NINJ2: variants seen among roughly 807,000 people sequenced by gnomAD.
The protein encoded by NINJ2 is ninjurin 2.
In NINJ2, 12 loss-of-function variants were observed where a neutral mutation model predicts 11.7. The observed-to-expected ratio is 1.02, with a 90% CI of 0.66 to 1.66. NINJ2 has a LOEUF of 1.66. NINJ2 is among the 40% of genes most tolerant of loss of function. The probability of loss-of-function intolerance (pLI) is 0.00; values close to 1 mark genes in which losing one functional copy is unlikely to be tolerated. For synonymous variants in NINJ2, 93 were observed against 76.8 expected (o/e 1.21, Z -1.10); for missense variants, 187 against 181.8 (o/e 1.03, Z -0.16).
chr12:588,621 G>C (rs974325611), intron 1 of NINJ2, among the ~76,000 whole-genome samples: 2 of 152,146 alleles, frequency 1.3e-5, no homozygotes, highest in Admixed American at 1.3e-4. Flanking sequence ...TGCCTTCAGA[G>C]TGTGTGCTCC....
intron 1 of NINJ2, among the ~76,000 whole-genome samples, chr12:596,682 G>C (rs1042678972): frequency 1.1e-4 from 16 of 152,210 alleles, no homozygotes; most frequent in African/African-American, 3.4e-4. Flanking sequence ...CAGCACTTTG[G>C]GAGGTTGAAG....
At chr12:584,007 C>CT (rs897046327) in intron 1 of NINJ2, among the ~76,000 whole-genome samples, 1 of 151,968 alleles carries the variant, frequency 6.6e-6, no homozygotes, top group African/African-American at 2.4e-5. Context: ...ATATTATTTT[C>CT]TTTTTTTGCT....
rs1232958775 is a variant in NINJ2, at chr12:566,166, C to T, written c.46G>A (p.Asp16Asn). The T allele has an allele frequency of 5.6e-6, 9 of 1,613,270 alleles. No individual in the cohort carries two copies. Among genetic ancestry groups the T allele is most frequent in the African/African-American group, 2.7e-5 (2 of 74,850 alleles). ...AGGTTGATGGGCTGGCTCCTGGGGTCGGAGCTTCCAGGCTGTAGGGGAGAA... is the reference window on the plus strand; with the variant it reads ...AGGTTGATGGGCTGGCTCCTGGGGTTGGAGCTTCCAGGCTGTAGGGGAGAA... ...ENIDLQPGSS[D>N]PRSQPINLNH... The change falls in exon 2 of 4, where the codon GAC becomes AAC. Residue 16 changes from aspartate to asparagine, a missense_variant. Physicochemically the swap from Asp to Asn is conservative, Grantham distance 23. Transcript: ENST00000305108.
intron 1 of NINJ2, among the ~76,000 whole-genome samples, chr12:567,625 G>T (rs1565616899): frequency 6.6e-6 from 1 of 152,116 alleles, no homozygotes; most frequent in African/African-American, 2.4e-5. Context: ...GTACCTCAGG[G>T]ATTTACACAG....
intron 1 of NINJ2, among the ~76,000 whole-genome samples, chr12:594,022 G>C (rs1947750977): frequency 6.6e-6 from 1 of 152,124 alleles, no homozygotes; most frequent in South Asian, 2.1e-4. Context: ...TTTCCACGAA[G>C]ACAGGGAACA....
chr12:603,219 T>A (rs144027984), intron 1 of NINJ2, among the ~76,000 whole-genome samples: 2,439 of 152,320 alleles, frequency 0.016, 107 homozygotes, highest in East Asian at 0.071. Context: ...ATTTGTATAT[T>A]TTCTTTGGAA....
chr12:565,986 G>A lies in NINJ2; in HGVS notation c.226C>T (p.Leu76=), dbSNP rs201772956. The A allele has an allele frequency of 1.4e-4, 221 of 1,614,158 alleles. No homozygotes were observed. The highest frequency in any genetic ancestry group is 1.8e-4 in the Non-Finnish European group (212 of 1,180,060). Residue 76 remains leucine, a synonymous_variant, in exon 2 of 4, where the codon CTG becomes TTG. Transcript: ENST00000305108. ...LVTLISLSLL[L]QVVIGVLLVV... The stretch of plus-strand genomic sequence containing the variant: ...AGCAGGACACCGATGACCACCTGCA[G>A]GAGCAGAGAGAGGCTGATGAGGGTG...
rs377041942 is a variant in NINJ2 at position 619,159 on chromosome 12, T to C, written c.33+44169A>G. On this transcript the variant is annotated intron_variant, in intron 1 of 3. Coordinates refer to ENST00000305108, the MANE Select transcript of NINJ2 (RefSeq NM_016533.6). ...GGGGGGCAGTTTATTGTCAGGACCATTGGATGGAGTCCAGCAAGTATTTAT... is the reference window on the plus strand; with the variant it reads ...GGGGGGCAGTTTATTGTCAGGACCACTGGATGGAGTCCAGCAAGTATTTAT... 1.2e-4 allele frequency among the ~76,000 whole-genome samples: 19 copies of C among 152,138 alleles called. No homozygotes were observed. In the East Asian group the frequency reaches 2.1e-3, roughly 17 times the overall value.
At chr12:601,416 C>T (rs774236985) in intron 1 of NINJ2, among the ~76,000 whole-genome samples, 19 of 151,620 alleles carry the variant, frequency 1.3e-4, no homozygotes, top group East Asian at 3.9e-4. Flanking sequence ...GGCGTGGTGG[C>T]GGGCGCCTGT....
chr12:658,121 C>T (rs1229009797), intron 1 of NINJ2, among the ~76,000 whole-genome samples: 1 of 151,516 alleles, frequency 6.6e-6, no homozygotes, highest in African/African-American at 2.4e-5. Context: ...GCCTTAGCCT[C>T]CCGAGTAGCT....
At chr12:636,756 T>A (rs1948356946) in intron 1 of NINJ2, among the ~76,000 whole-genome samples, 1 of 152,160 alleles carries the variant, frequency 6.6e-6, no homozygotes, top group South Asian at 2.1e-4. Context: ...TTGGTAAGGA[T>A]ACAGAGAAAC....
chr12:624,745 G>A (rs1948191859), intron 1 of NINJ2, among the ~76,000 whole-genome samples: 1 of 149,410 alleles, frequency 6.7e-6, no homozygotes, highest in Non-Finnish European at 1.5e-5. Flanking sequence ...GGAGATGGAG[G>A]TTGCAGTGAG....
At chr12:612,853 C>T (rs1948049971) in intron 1 of NINJ2, among the ~76,000 whole-genome samples, 1 of 152,198 alleles carries the variant, frequency 6.6e-6, no homozygotes. Context: ...ACCGGGTCCT[C>T]TCCGTCACTG....
intron 1 of NINJ2, among the ~76,000 whole-genome samples, chr12:611,003 G>A (rs1948021254): frequency 6.6e-6 from 1 of 152,054 alleles, no homozygotes; most frequent in Admixed American, 6.5e-5. Flanking sequence ...CCAAAATGCT[G>A]GGATTACAGG....
At chr12:575,014 G>A (rs941576306) in intron 1 of NINJ2, among the ~76,000 whole-genome samples, 10 of 152,226 alleles carry the variant, frequency 6.6e-5, no homozygotes, top group African/African-American at 1.9e-4. Context: ...ATACTCCCAC[G>A]TGTGGGCCTA....
At chr12:566,899 C>T (rs1353482741) in intron 1 of NINJ2, among the ~76,000 whole-genome samples, 1 of 152,212 alleles carries the variant, frequency 6.6e-6, no homozygotes, top group East Asian at 1.9e-4. Context: ...CTCCAAAAGA[C>T]AGAATCACAA....
At chr12:595,545 C>T (rs897654979) in intron 1 of NINJ2, among the ~76,000 whole-genome samples, 3 of 152,110 alleles carry the variant, frequency 2.0e-5, no homozygotes, top group Non-Finnish European at 4.4e-5. Context: ...GAGGCCAAGG[C>T]GGGTGGATCA....
chr12:571,087 C>T (rs1441615363), intron 1 of NINJ2, among the ~76,000 whole-genome samples: 1 of 152,246 alleles, frequency 6.6e-6, no homozygotes, highest in African/African-American at 2.4e-5. Context: ...CCTCCCCTGC[C>T]ACTCAAGGGC....
At chr12:636,945 A>T (rs1948359580) in intron 1 of NINJ2, among the ~76,000 whole-genome samples, 1 of 152,356 alleles carries the variant, frequency 6.6e-6, no homozygotes, top group African/African-American at 2.4e-5. Context: ...CACCAATGTT[A>T]ATGGCAGCAT....
Sources: allele counts gnomAD v4.1 joint callset (sites outside exome capture counted in the v4.1 genomes callset), GRCh38; gene constraint gnomAD v4.1.1; transcripts MANE v1.5; gene names NCBI Gene and HGNC (gene_info 2026-07-23, HGNC 2026-07-21).